The following MOGAT2 variants were observed in gnomAD, a reference collection of about 807,000 sequenced individuals.
MOGAT2 encodes the protein monoacylglycerol O-acyltransferase 2, also known as 2-acylglycerol O-acyltransferase 2.
MOGAT2 carries 27 observed loss-of-function variants against 31.5 expected under a neutral mutation model. The observed-to-expected ratio is 0.86, with a 90% CI of 0.63 to 1.18. The LOEUF is 1.18. Among genes scored for constraint, MOGAT2 ranks in the 50% most tolerant of loss-of-function variants. The pLI, the probability that MOGAT2 is intolerant of heterozygous loss-of-function variation, is 0.00. For missense variants in MOGAT2, 436 were observed against 433.2 expected (o/e 1.01, Z -0.06); for synonymous variants, 163 against 170.0 (o/e 0.96, Z 0.32).
At chr11:75,719,870 G>T in intron 1 of MOGAT2, 122 bp from the exon 2 acceptor site, 1 of 951,844 alleles carries the variant, frequency 1.1e-6, no homozygotes, top group South Asian at 1.6e-5. Flanking sequence ...TTCCTCCTGG[G>T]CCCGAGGATT....
rs2135739615 is a variant in MOGAT2 at position 75,732,446 on chromosome 11, ATCTGGAGGGG to A, written c.*1163_*1172del. ...AGAATGGCAAAGACAGGCAGAGTGG[ATCTGGAGGGG>A]TCAACGGAAGACGGAACATGTCCAC... On this transcript the variant is annotated 3_prime_UTR_variant, in exon 6 of 6. Transcript: ENST00000198801. The A allele has an allele frequency of 6.6e-6, 1 of 152,356 alleles. No homozygotes were observed. Among genetic ancestry groups the A allele is most frequent in the South Asian group, 2.1e-4 (1 of 4,822 alleles). 9.4% of individuals were successfully genotyped at this position (152,356 alleles called of 1,614,324 possible).
chr11:75,719,847 G>T (rs533788119), intron 1 of MOGAT2, 145 bp from the exon 2 acceptor site: 7 of 757,074 alleles, frequency 9.2e-6, no homozygotes, highest in Non-Finnish European at 1.5e-5. Flanking sequence ...TGAATGCCCC[G>T]GAAGCTGCTG....
chr11:75,729,108 A>G (rs1944450683), intron 5 of MOGAT2, 119 bp downstream of exon 5: 8 of 902,578 alleles, frequency 8.9e-6, no homozygotes, highest in Non-Finnish European at 1.4e-5. Flanking sequence ...CACATTCTAG[A>G]CTGGGAAACA....
At chr11:75,720,573 C>T (rs1944369085) in intron 2 of MOGAT2, among the ~76,000 whole-genome samples, 1 of 152,120 alleles carries the variant, frequency 6.6e-6, no homozygotes, top group Non-Finnish European at 1.5e-5. Context: ...GAGGCTGACA[C>T]CCAGAGATGG....
At chr11:75,718,049 C>G (rs987424451) in intron 1 of MOGAT2, 70 bp downstream of exon 1, 1 of 1,401,088 alleles carries the variant, frequency 7.1e-7, no homozygotes, top group Non-Finnish European at 1.0e-6. Context: ...ACACCAGGTG[C>G]ACACAGCACA....
intron 5 of MOGAT2, 139 bp from the exon 6 acceptor site, chr11:75,730,993 C>A: frequency 1.8e-6 from 1 of 546,392 alleles, no homozygotes; most frequent in Non-Finnish European, 3.1e-6. Context: ...CTTGGAGTTG[C>A]CCTAATATCT....
At chr11:75,720,416 AAGG>A (rs1944368013) in intron 2 of MOGAT2, among the ~76,000 whole-genome samples, 1 of 152,162 alleles carries the variant, frequency 6.6e-6, no homozygotes, top group South Asian at 2.1e-4. Flanking sequence ...CCAGCATTTG[AAGG>A]AGTTCTGTGG....
At chr11:75,729,860 T>C (rs1944459745) in intron 5 of MOGAT2, among the ~76,000 whole-genome samples, 1 of 147,570 alleles carries the variant, frequency 6.8e-6, no homozygotes, top group South Asian at 2.2e-4. Context: ...TTCTCCTGCC[T>C]CAACTTCCAG....
chr11:75,718,124 G>A (rs1046727056), intron 1 of MOGAT2, 145 bp downstream of exon 1: 2 of 848,312 alleles, frequency 2.4e-6, no homozygotes, highest in Admixed American at 2.1e-5. Flanking sequence ...TGCCCAGAGA[G>A]AACTCCTGGG....
At chr11:75,722,663 A>C (rs904401028) in intron 2 of MOGAT2, among the ~76,000 whole-genome samples, 3 of 152,226 alleles carry the variant, frequency 2.0e-5, no homozygotes. Flanking sequence ...ATTGGAGGAC[A>C]TTCCGCAGGA....
rs780177597 is a variant in MOGAT2, at chr11:75,717,893, T to C, written c.5T>C (p.Val2Ala). The C allele has an allele frequency of 4.3e-6, 7 of 1,613,932 alleles. No homozygotes were observed. The highest frequency in any genetic ancestry group is 5.9e-6 in the Non-Finnish European group (7 of 1,179,988). ...GAGCCAGGCTGACCCGCCAGCATGGTAGAGTTCGCGCCCTTGTTTATGCCG... is the reference window on the plus strand; with the variant it reads ...GAGCCAGGCTGACCCGCCAGCATGGCAGAGTTCGCGCCCTTGTTTATGCCG... MVEFAPLFMPWE... is the reference protein window; with the variant it reads MAEFAPLFMPWE... Residue 2 changes from valine to alanine, a missense_variant, in exon 1 of 6, where the codon GTA becomes GCA. Transcript: ENST00000198801.
chr11:75,730,287 G>A (rs1328612400), intron 5 of MOGAT2, among the ~76,000 whole-genome samples: 1 of 152,212 alleles, frequency 6.6e-6, no homozygotes, highest in East Asian at 1.9e-4. Flanking sequence ...TTCTTCCCTG[G>A]GATGAGAGAA....
chr11:75,718,442 A>C (rs1296412911), intron 1 of MOGAT2, among the ~76,000 whole-genome samples: 1 of 152,140 alleles, frequency 6.6e-6, no homozygotes, highest in Non-Finnish European at 1.5e-5. Context: ...GTGCAGACTG[A>C]GAGTGGACTG....
intron 2 of MOGAT2, among the ~76,000 whole-genome samples, chr11:75,726,847 C>T (rs983531745): frequency 2.6e-5 from 4 of 151,828 alleles, no homozygotes; most frequent in African/African-American, 9.7e-5. Flanking sequence ...TACAGGTGCC[C>T]GCCACCACGC....
intron 2 of MOGAT2, among the ~76,000 whole-genome samples, chr11:75,722,013 A>T (rs913995385): frequency 2.6e-5 from 4 of 152,200 alleles, no homozygotes; most frequent in African/African-American, 9.7e-5. Flanking sequence ...CTGGGCAGAC[A>T]GCGGGCAGCG....
intron 2 of MOGAT2, among the ~76,000 whole-genome samples, chr11:75,726,173 G>A (rs1590841332): frequency 6.6e-6 from 1 of 152,308 alleles, no homozygotes; most frequent in Non-Finnish European, 1.5e-5. Flanking sequence ...CATGCTGCAG[G>A]CCTGGCCAGA....
At position 75,729,740 on chromosome 11, in the gene MOGAT2, C is replaced by CTTTT. The variant is rs543037592; in HGVS notation, c.850+760_850+763dup. Among the ~76,000 whole-genome samples, 86 of 121,394 alleles carry CTTTT rather than the reference C, an allele frequency of 7.1e-4. 8 individuals are homozygous for CTTTT. The highest frequency in any genetic ancestry group is 1.0e-3 in the South Asian group (4 of 3,906). 79.6% of individuals were successfully genotyped at this position (121,394 alleles called of 152,430 possible). A position where few individuals can be genotyped will look rare whatever the true frequency, so the allele number is the denominator to read the frequency against. On this transcript the variant is annotated intron_variant, in intron 5 of 5. Transcript: ENST00000198801. Reference sequence around the variant, plus strand: ...AATGCCAGAGAAGGAGGGTTTAATTCTTTTTTTTTTTTGTTTTTTTTTGAG... The same window carrying CTTTT: ...AATGCCAGAGAAGGAGGGTTTAATTCTTTTTTTTTTTTTTTTGTTTTTTTTTGAG...
Position 75,728,454 on chromosome 11 carries a change from G to A in MOGAT2, c.650+310G>A, listed in dbSNP as rs996758257. 4 of 550,786 alleles carry A rather than the reference G, an allele frequency of 7.3e-6. 1 individual carries two copies. The South Asian group carries it at 8.2e-5, about 11-fold the overall frequency. The allele number at this position is 550,786 out of a possible 1,614,324, so 34.1% of individuals were successfully genotyped here. ...TTCAGAGCTGTTCTCCCTCCTTGGG[G>A]TGAAGCATCCTTGAGAAACATGAGC... is the stretch of plus-strand genomic sequence containing the variant. On this transcript the variant is annotated intron_variant, in intron 4 of 5. Coordinates refer to ENST00000198801, the MANE Select transcript of MOGAT2 (RefSeq NM_025098.4).
At chr11:75,723,325 C>T (rs897073513) in intron 2 of MOGAT2, among the ~76,000 whole-genome samples, 1 of 151,984 alleles carries the variant, frequency 6.6e-6, no homozygotes, top group African/African-American at 2.4e-5. Context: ...CACCATCTGC[C>T]GAGGGTGACA....
Sources: gnomAD v4.1 joint callset for allele counts (sites outside exome capture counted in the v4.1 genomes callset) on GRCh38, gnomAD v4.1.1 for gene constraint, MANE v1.5 for transcripts, NCBI Gene and HGNC (gene_info 2026-07-23, HGNC 2026-07-21) for gene names.